The following SSBP2 variants were observed in gnomAD, a reference collection of about 807,000 sequenced individuals.
SSBP2 encodes the protein single-stranded DNA-binding protein 2.
SSBP2 carries 17 observed loss-of-function variants against 61.8 expected under a neutral mutation model. The observed-to-expected ratio is 0.28, with a 90% confidence interval of 0.19 to 0.41. The LOEUF is 0.41. Ranked by LOEUF, SSBP2 falls within the 10% of genes least tolerant of loss-of-function variation. The pLI is 1.00. For missense variants in SSBP2, 310 were observed against 458.7 expected (o/e 0.68, Z 2.96); for synonymous variants, 139 against 141.3 (o/e 0.98, Z 0.12).
chr5:81,565,352 TA>T (rs1016741919), intron 4 of SSBP2, among the ~76,000 whole-genome samples: 16 of 151,948 alleles, frequency 1.1e-4, no homozygotes, highest in East Asian at 7.7e-4. Flanking sequence ...ATATAGAACA[TA>T]AAAAAAATTT....
chr5:81,423,338 TA>T (rs1761730869), intron 16 of SSBP2, among the ~76,000 whole-genome samples: 1 of 152,236 alleles, frequency 6.6e-6, no homozygotes, highest in African/African-American at 2.4e-5. Context: ...GGCAGCTAGA[TA>T]ATCAATCATT....
chr5:81,589,161 C>T (rs570620693), intron 4 of SSBP2, among the ~76,000 whole-genome samples: 4 of 152,254 alleles, frequency 2.6e-5, no homozygotes, highest in South Asian at 2.1e-4. Flanking sequence ...ATGAAGGTCA[C>T]GTATCAAAAA....
chr5:81,656,788 G>A (rs976129806), intron 1 of SSBP2, among the ~76,000 whole-genome samples: 4 of 151,526 alleles, frequency 2.6e-5, no homozygotes, highest in African/African-American at 9.7e-5. Flanking sequence ...ACTAATGAAT[G>A]TAGCAAAAAC....
intron 1 of SSBP2, among the ~76,000 whole-genome samples, chr5:81,744,877 TAAAGAAA>T (rs1207518922): frequency 2.6e-5 from 4 of 152,124 alleles, no homozygotes; most frequent in Admixed American, 2.6e-4. Context: ...TTGTCATTTC[TAAAGAAA>T]TGACACCAAC....
rs182345452 is a variant in SSBP2, at chr5:81,592,972, C to A, written c.282+22501G>T. Among the ~76,000 whole-genome samples, 3 of 152,098 alleles carry A rather than the reference C, an allele frequency of 2.0e-5. No homozygotes were observed. In the South Asian group the frequency reaches 6.2e-4, roughly 32 times the overall value. On this transcript the variant is annotated intron_variant, in intron 4 of 16. Coordinates refer to ENST00000320672, the MANE Select transcript of SSBP2 (RefSeq NM_012446.5). ...AAGGAACGCAGCTCCTCACAAGCAA[C>A]AGAACAAAGCTGGACGGAGAATGAC...
intron 5 of SSBP2, among the ~76,000 whole-genome samples, chr5:81,498,806 T>C (rs896767672): frequency 2.6e-5 from 4 of 152,108 alleles, no homozygotes; most frequent in Admixed American, 6.5e-5. Flanking sequence ...ATAAATAATA[T>C]TGAGAATATT....
intron 1 of SSBP2, among the ~76,000 whole-genome samples, chr5:81,686,868 AAAAAG>A (rs1172109276): frequency 0.14 from 8,031 of 59,294 alleles, 531 homozygotes; most frequent in East Asian, 0.42. Flanking sequence ...AAAAAAAAAA[AAAAAG>A]AAAAGAAAAG....
intron 4 of SSBP2, among the ~76,000 whole-genome samples, chr5:81,602,689 G>A (rs1010264303): frequency 1.3e-5 from 2 of 151,980 alleles, no homozygotes; most frequent in South Asian, 2.1e-4. Flanking sequence ...CAAGAATTCC[G>A]TTTTTAGCTC....
intron 1 of SSBP2, among the ~76,000 whole-genome samples, chr5:81,720,546 A>G (rs1581416938): frequency 6.6e-6 from 1 of 152,222 alleles, no homozygotes; most frequent in Non-Finnish European, 1.5e-5. Flanking sequence ...TGTTTGCATA[A>G]AATTTCAACA....
At chr5:81,672,110 T>C (rs1428031763) in intron 1 of SSBP2, among the ~76,000 whole-genome samples, 1 of 152,156 alleles carries the variant, frequency 6.6e-6, no homozygotes, top group East Asian at 1.9e-4. Context: ...AAAACAGTAA[T>C]AGCAACTTAT....
At chr5:81,674,577 A>G (rs1751818753) in intron 1 of SSBP2, among the ~76,000 whole-genome samples, 1 of 152,200 alleles carries the variant, frequency 6.6e-6, no homozygotes, top group African/African-American at 2.4e-5. Context: ...TCTCTAAAAT[A>G]TTATGCAATT....
chr5:81,653,304 T>TC (rs201588120), intron 1 of SSBP2, among the ~76,000 whole-genome samples: 1,815 of 152,312 alleles, frequency 0.012, 24 homozygotes, highest in Middle Eastern at 0.024. Flanking sequence ...TTCATAGTAT[T>TC]CCACAGTGTA....
rs1386889464 is a variant in SSBP2, at chr5:81,417,855, G to C, written c.*2649C>G. ...TAATCTGGGCTCCAAGAAGAAAAAAGAAATAAATACTTATAATCAATTGAC... is the reference window on the plus strand; with the variant it reads ...TAATCTGGGCTCCAAGAAGAAAAAACAAATAAATACTTATAATCAATTGAC... On this transcript the variant is annotated 3_prime_UTR_variant, in exon 17 of 17. Transcript: ENST00000320672. The C allele has an allele frequency of 6.7e-6, 1 of 149,144 alleles. No homozygotes were observed. Among genetic ancestry groups the C allele is most frequent in the Admixed American group, 6.7e-5 (1 of 14,998 alleles). The allele number at this position is 149,144 out of a possible 1,614,324, so 9.2% of individuals were successfully genotyped here.
At chr5:81,639,197 A>G (rs1748546693) in intron 2 of SSBP2, among the ~76,000 whole-genome samples, 1 of 152,218 alleles carries the variant, frequency 6.6e-6, no homozygotes. Context: ...TGTGGGCAGA[A>G]GAAGACATAA....
intron 5 of SSBP2, among the ~76,000 whole-genome samples, chr5:81,498,682 T>C (rs1377968146): frequency 6.6e-6 from 1 of 152,084 alleles, no homozygotes; most frequent in African/African-American, 2.4e-5. Flanking sequence ...TAATTTTCTC[T>C]ATATAGATTT....
chr5:81,705,706 T>G (rs564550747), intron 1 of SSBP2, among the ~76,000 whole-genome samples: 1 of 152,182 alleles, frequency 6.6e-6, no homozygotes, highest in Non-Finnish European at 1.5e-5. Flanking sequence ...TATTGCAAAC[T>G]CTAGGAAAAA....
chr5:81,625,221 T>G (rs1159267890), intron 3 of SSBP2, among the ~76,000 whole-genome samples: 1 of 152,206 alleles, frequency 6.6e-6, no homozygotes, highest in African/African-American at 2.4e-5. Flanking sequence ...ATAGCAATAC[T>G]TGATTTGTGC....
intron 4 of SSBP2, among the ~76,000 whole-genome samples, chr5:81,561,578 A>G (rs1197818537): frequency 6.6e-6 from 1 of 152,056 alleles, no homozygotes; most frequent in Non-Finnish European, 1.5e-5. Flanking sequence ...GTAGACAAGT[A>G]TTTTGAAAAA....
chr5:81,524,032 A>G (rs1769713135), intron 4 of SSBP2, among the ~76,000 whole-genome samples: 1 of 152,036 alleles, frequency 6.6e-6, no homozygotes, highest in Non-Finnish European at 1.5e-5. Flanking sequence ...TAAAAATCCC[A>G]GGGCTTCTAT....
Sources: gnomAD v4.1 joint callset for allele counts (sites outside exome capture counted in the v4.1 genomes callset) on GRCh38, gnomAD v4.1.1 for gene constraint, MANE v1.5 for transcripts, NCBI Gene and HGNC (gene_info 2026-07-23, HGNC 2026-07-21) for gene names.